The following XPNPEP3 variants were observed in gnomAD, a reference collection of about 807,000 sequenced individuals.
The protein encoded by XPNPEP3 is xaa-Pro aminopeptidase 3.
Under a neutral mutation model 60.0 loss-of-function variants are expected in XPNPEP3, and 41 were observed. The ratio of observed to expected loss-of-function variants is 0.68; its 90% CI spans 0.53 to 0.89. XPNPEP3 has a LOEUF of 0.89. XPNPEP3 is among the 40% of genes least tolerant of loss of function. The pLI is 0.00. For missense variants in XPNPEP3, 598 were observed against 638.9 expected (o/e 0.94, Z 0.69); for synonymous variants, 212 against 223.2 (o/e 0.95, Z 0.45).
chr22:40,861,820 C>T (rs765049190), intron 1 of XPNPEP3: 1 of 1,611,838 alleles, frequency 6.2e-7, no homozygotes, highest in African/African-American at 1.3e-5. Context: ...CGTTTCTCAT[C>T]ATTTGATAAT....
Position 40,869,084 on chromosome 22 carries a change from C to T in XPNPEP3, c.150C>T (p.Ser50=), listed in dbSNP as rs889101484. ...RIPNRYLGQP[S]PFTHPHLLRP... is the part of the protein sequence containing the mutation. ...CAAACCGATACTTAGGCCAGCCCAG[C>T]CCCTTTACACACCCACACCTCCTCA... The change falls in exon 2 of 10, where the codon AGC becomes AGT. Residue 50 remains serine, a synonymous_variant. Transcript: ENST00000357137. The T allele has an allele frequency of 6.2e-7, 1 of 1,614,052 alleles. No individual in the cohort carries two copies.
chr22:40,875,300 G>C (rs1029449875), intron 2 of XPNPEP3, among the ~76,000 whole-genome samples: 2 of 152,042 alleles, frequency 1.3e-5, no homozygotes, highest in African/African-American at 4.8e-5. Flanking sequence ...TTCCCAAGTA[G>C]CTAGGACTAC....
intron 2 of XPNPEP3, among the ~76,000 whole-genome samples, chr22:40,876,382 A>G (rs2058027834): frequency 6.6e-6 from 1 of 152,230 alleles, no homozygotes. Flanking sequence ...TAATAATTAT[A>G]GCTAATACTT....
rs1252582018 is a variant in XPNPEP3 at position 40,888,636 on chromosome 22, C to CT, written c.792+2135dup. 1.3e-3 allele frequency among the ~76,000 whole-genome samples: 192 copies of CT among 143,178 alleles called. 1 individual carries two copies. The highest frequency in any genetic ancestry group is 0.011 in the East Asian group (55 of 4,942). 93.9% of individuals were successfully genotyped at this position (143,178 alleles called of 152,430 possible). A position where few individuals can be genotyped will look rare whatever the true frequency, so the allele number is the denominator to read the frequency against. ...CCATTGATAAACATTTGGTTTCTATCTTTTTTTTTTTTTTACTATTGTGAA... is the reference window on the plus strand; with the variant it reads ...CCATTGATAAACATTTGGTTTCTATCTTTTTTTTTTTTTTTACTATTGTGAA... On this transcript the variant is annotated intron_variant, in intron 4 of 9. Coordinates refer to ENST00000357137, the MANE Select transcript of XPNPEP3 (RefSeq NM_022098.4).
In XPNPEP3 at chr22:40,924,453, A is replaced by G; in HGVS notation, c.1328A>G (p.Gln443Arg). The G allele has an allele frequency of 1.9e-6, 3 of 1,614,184 alleles. No homozygotes were observed. Among genetic ancestry groups the G allele is most frequent in the Non-Finnish European group, 2.5e-6 (3 of 1,180,040 alleles). The change falls in exon 9 of 10, where the codon CAG (glutamine) becomes CGG (arginine). Residue 443 changes from glutamine (Q) to arginine (R), a missense_variant. Transcript: ENST00000357137. Reference protein sequence around the residue: ...TPDMPRSLPLQPGMVITIEPG... With the variant: ...TPDMPRSLPLRPGMVITIEPG... ...GACATGCCCCGTTCCCTCCCTCTGC[A>G]GCCTGGGATGGTAATCACAATTGAG...
At chr22:40,915,733 G>C (rs988783807) in intron 7 of XPNPEP3, among the ~76,000 whole-genome samples, 2 of 152,096 alleles carry the variant, frequency 1.3e-5, no homozygotes, top group Admixed American at 1.3e-4. Context: ...AATCCTTGAC[G>C]AGAAGGGCTT....
intron 7 of XPNPEP3, among the ~76,000 whole-genome samples, chr22:40,915,467 C>T (rs2058192773): frequency 6.6e-6 from 1 of 151,074 alleles, no homozygotes; most frequent in Non-Finnish European, 1.5e-5. Flanking sequence ...GCAGGAGAAT[C>T]GCTTGAACCC....
chr22:40,880,755 A>G (rs2058044273), intron 2 of XPNPEP3, among the ~76,000 whole-genome samples: 1 of 150,382 alleles, frequency 6.6e-6, no homozygotes, highest in Non-Finnish European at 1.5e-5. Flanking sequence ...GCGCCACTGC[A>G]CTTCAGCCTG....
chr22:40,866,472 C>G (rs1425347049), intron 1 of XPNPEP3, among the ~76,000 whole-genome samples: 2 of 152,082 alleles, frequency 1.3e-5, no homozygotes, highest in African/African-American at 4.8e-5. Flanking sequence ...TATAAGCAGG[C>G]AGTGTCCACT....
chr22:40,916,174 C>T (rs917772276), intron 7 of XPNPEP3, among the ~76,000 whole-genome samples: 6 of 151,846 alleles, frequency 4.0e-5, no homozygotes, highest in African/African-American at 1.5e-4. Context: ...CACCTGTAAT[C>T]CCAGCTACTC....
chr22:40,889,318 T>C (rs2058080728), intron 4 of XPNPEP3, among the ~76,000 whole-genome samples: 1 of 152,132 alleles, frequency 6.6e-6, no homozygotes, highest in African/African-American at 2.4e-5. Flanking sequence ...AGCCAACATG[T>C]CCAGCATCCT....
chr22:40,888,828 C>G (rs1374970040), intron 4 of XPNPEP3, among the ~76,000 whole-genome samples: 1 of 152,090 alleles, frequency 6.6e-6, no homozygotes. Flanking sequence ...GTTTCACATT[C>G]CCACTAGCAA....
intron 4 of XPNPEP3, among the ~76,000 whole-genome samples, chr22:40,895,273 T>C (rs2058103295): frequency 1.3e-5 from 2 of 152,214 alleles, no homozygotes; most frequent in Admixed American, 6.5e-5. Flanking sequence ...AGAACTTCTT[T>C]GGACATTGTC....
intron 4 of XPNPEP3, among the ~76,000 whole-genome samples, chr22:40,887,910 A>G (rs898582049): frequency 1.3e-5 from 2 of 152,144 alleles, no homozygotes; most frequent in African/African-American, 4.8e-5. Context: ...GGTGTTGGCC[A>G]TTGACTTAAT....
rs138400041 is a variant in XPNPEP3 at position 40,861,499 on chromosome 22, C to T, written c.64+4254C>T. The T allele has an allele frequency of 2.8e-5, 46 of 1,614,178 alleles. No individual in the cohort carries two copies. In the African/African-American group the frequency reaches 5.5e-4, roughly 19 times the overall value. On this transcript the variant is annotated intron_variant, in intron 1 of 9. Transcript: ENST00000357137. Reference sequence around the variant, plus strand: ...AGGGAAGAGAAAGAAGTAAGGCCTTCATGCCCCAATGAACCCTGTGATGTA... The same window carrying T: ...AGGGAAGAGAAAGAAGTAAGGCCTTTATGCCCCAATGAACCCTGTGATGTA...
intron 4 of XPNPEP3, among the ~76,000 whole-genome samples, chr22:40,894,743 T>A (rs866417471): frequency 4.6e-5 from 7 of 152,194 alleles, no homozygotes; most frequent in Admixed American, 3.9e-4. Flanking sequence ...AACTGTTGGT[T>A]CCAATCACCT....
chr22:40,883,460 A>G lies in XPNPEP3; in HGVS notation c.589+1283A>G, dbSNP rs560830302. On this transcript the variant is annotated intron_variant, in intron 3 of 9. Coordinates refer to ENST00000357137, the MANE Select transcript of XPNPEP3 (RefSeq NM_022098.4). ...CTGCAACCTCGAACCCCAAAGCTCAAGCAGTCTTCCTGCCTCAGCCTCCAG... is the reference window on the plus strand; with the variant it reads ...CTGCAACCTCGAACCCCAAAGCTCAGGCAGTCTTCCTGCCTCAGCCTCCAG... Among the ~76,000 whole-genome samples, 28 of 152,264 alleles carry G rather than the reference A, an allele frequency of 1.8e-4. No individual in the cohort carries two copies. In the South Asian group the frequency reaches 5.6e-3, roughly 30 times the overall value.
At chr22:40,880,748 C>T (rs1345836521) in intron 2 of XPNPEP3, among the ~76,000 whole-genome samples, 2 of 150,666 alleles carry the variant, frequency 1.3e-5, no homozygotes, top group African/African-American at 4.9e-5. Flanking sequence ...CAAGATTGCG[C>T]CACTGCACTT....
At chr22:40,884,753 C>T (rs1334136781) in intron 3 of XPNPEP3, among the ~76,000 whole-genome samples, 7 of 151,754 alleles carry the variant, frequency 4.6e-5, no homozygotes, top group Non-Finnish European at 5.9e-5. Context: ...TGGCCGGGTG[C>T]AGTGGCTCAC....
Sources: allele counts gnomAD v4.1 joint callset (sites outside exome capture counted in the v4.1 genomes callset), GRCh38; gene constraint gnomAD v4.1.1; transcripts MANE v1.5; gene names NCBI Gene and HGNC (gene_info 2026-07-23, HGNC 2026-07-21).